Variants in OR3A2 observed in about 807,000 individuals in gnomAD.
OR3A2 encodes olfactory receptor 3A2.
For missense variants in OR3A2, 318 were observed against 392.8 expected (o/e 0.81, Z 1.61); for synonymous variants, 126 against 159.3 (o/e 0.79, Z 1.57).
chr17:3,331,973 C>T (rs1233550947), intron 3 of OR3A2, among the ~76,000 whole-genome samples: 5 of 151,796 alleles, frequency 3.3e-5, no homozygotes, highest in African/African-American at 4.8e-5. Flanking sequence ...AATACCCTGC[C>T]GTGTGAGATG....
intron 2 of OR3A2, among the ~76,000 whole-genome samples, chr17:3,353,013 C>T (rs535439899): frequency 1.3e-5 from 2 of 151,444 alleles, no homozygotes; most frequent in South Asian, 4.2e-4. Context: ...TAGGGGATTA[C>T]ATTTTTTATT....
rs1049776145 is a variant in OR3A2 at position 3,279,092 on chromosome 17, A to G, written c.-6-169T>C. ...TGCCTTTACCTTGCTCTTGGTTGACATGCCCAATGACACCACCACCTTGTC... is the reference window on the plus strand; with the variant it reads ...TGCCTTTACCTTGCTCTTGGTTGACGTGCCCAATGACACCACCACCTTGTC... On this transcript the variant is annotated intron_variant, in intron 1 of 1. The change abolishes an upstream ATG in the 5' untranslated region. Coordinates refer to ENST00000642052, the Ensembl canonical transcript of OR3A2. 1 of 1,140,036 alleles carries G rather than the reference A, an allele frequency of 8.8e-7. No homozygotes were observed. Among genetic ancestry groups the G allele is most frequent in the African/African-American group, 1.6e-5 (1 of 63,768 alleles). The allele number at this position is 1,140,036 out of a possible 1,614,324, so 70.6% of individuals were successfully genotyped here.
intron 3 of OR3A2, among the ~76,000 whole-genome samples, chr17:3,322,695 T>G (rs2049134793): frequency 6.6e-6 from 1 of 152,206 alleles, no homozygotes; most frequent in Non-Finnish European, 1.5e-5. Context: ...AGTGAGTTTC[T>G]TAATTCTGAG....
At chr17:3,300,337 T>A (rs2048952955) in intron 3 of OR3A2, among the ~76,000 whole-genome samples, 1 of 152,108 alleles carries the variant, frequency 6.6e-6, no homozygotes, top group Non-Finnish European at 1.5e-5. Context: ...GGTGGGGGGA[T>A]CACCTGAGGT....
intron 2 of OR3A2, among the ~76,000 whole-genome samples, chr17:3,337,754 T>C (rs941456211): frequency 1.3e-5 from 2 of 152,224 alleles, no homozygotes; most frequent in African/African-American, 4.8e-5. Flanking sequence ...TGTGTCTTTA[T>C]AGCAGCATGA....
intron 3 of OR3A2, among the ~76,000 whole-genome samples, chr17:3,325,832 G>A (rs2049166675): frequency 6.6e-6 from 1 of 151,988 alleles, no homozygotes; most frequent in Non-Finnish European, 1.5e-5. Flanking sequence ...AGGATGTGCA[G>A]GTTTATTACA....
At chr17:3,321,425 G>A (rs1413830202) in intron 3 of OR3A2, among the ~76,000 whole-genome samples, 1 of 152,002 alleles carries the variant, frequency 6.6e-6, no homozygotes, top group Non-Finnish European at 1.5e-5. Flanking sequence ...TGTTGAATAG[G>A]AGTGGTGAGA....
intron 1 of OR3A2, among the ~76,000 whole-genome samples, chr17:3,281,840 G>A (rs570156199): frequency 6.6e-6 from 1 of 152,086 alleles, no homozygotes; most frequent in South Asian, 2.1e-4. Context: ...AATCACCTGG[G>A]ATGCTTTAAG....
intron 2 of OR3A2, among the ~76,000 whole-genome samples, chr17:3,366,300 A>C (rs1019912003): frequency 6.6e-6 from 1 of 152,158 alleles, no homozygotes; most frequent in African/African-American, 2.4e-5. Flanking sequence ...TACCTGCCCC[A>C]TCCTAGCTAA....
intron 3 of OR3A2, among the ~76,000 whole-genome samples, chr17:3,297,187 TC>T (rs1410237873): frequency 6.6e-6 from 1 of 152,152 alleles, no homozygotes; most frequent in African/African-American, 2.4e-5. Context: ...ATAGGGTGTC[TC>T]CTAAAAATTC....
At chr17:3,359,121 T>C (rs2049488318) in intron 2 of OR3A2, among the ~76,000 whole-genome samples, 1 of 151,826 alleles carries the variant, frequency 6.6e-6, no homozygotes, top group Non-Finnish European at 1.5e-5. Context: ...TTTTTTCTAT[T>C]TGCTGGGTAG....
At chr17:3,329,257 T>C (rs1232088083) in intron 3 of OR3A2, among the ~76,000 whole-genome samples, 1 of 151,576 alleles carries the variant, frequency 6.6e-6, no homozygotes, top group African/African-American at 2.4e-5. Context: ...CCTCTTTTTC[T>C]GTTGATTGGA....
intron 2 of OR3A2, among the ~76,000 whole-genome samples, chr17:3,380,112 C>T (rs2049721007): frequency 6.6e-6 from 1 of 152,226 alleles, no homozygotes; most frequent in African/African-American, 2.4e-5. Flanking sequence ...TCTTCCTCTC[C>T]AGGGCACACC....
chr17:3,351,588 G>A (rs1161741619), intron 2 of OR3A2, among the ~76,000 whole-genome samples: 1 of 131,064 alleles, frequency 7.6e-6, no homozygotes, highest in African/African-American at 2.9e-5. Flanking sequence ...AATCAATATC[G>A]TGAAAATGGC....
At chr17:3,288,246 C>CAAAAAAAAAAAAAAAAACAAAAAAAAAAA (rs2048832038), upstream of OR3A2, among the ~76,000 whole-genome samples, 1 of 73,486 alleles carries the variant, frequency 1.4e-5, no homozygotes, top group African/African-American at 4.5e-5. Context: ...ACCAAAAGGG[C>CAAAAAAAAAAAAAAAAACAAAAAAAAAAA]AAAAAAAAAA....
In OR3A2 at chr17:3,343,004, G is replaced by A. The variant is rs182843639; in HGVS notation, c.-178-6878C>T. Among the ~76,000 whole-genome samples, 19 of 152,308 alleles carry A rather than the reference G, an allele frequency of 1.2e-4. No homozygotes were observed. The East Asian group carries it at 1.5e-3, about 12-fold the overall frequency. ...AGCCAGGCTTGCCGCCTTGCAGTTCGATCTTGGACTGCTGCGCTAGCAGTG... is the reference window on the plus strand; with the variant it reads ...AGCCAGGCTTGCCGCCTTGCAGTTCAATCTTGGACTGCTGCGCTAGCAGTG... On this transcript the variant is annotated intron_variant, in intron 2 of 4. Transcript: ENST00000573491.
chr17:3,278,805 T>C, exon 2 of OR3A2: 1 of 1,527,458 alleles, frequency 6.5e-7, no homozygotes, highest in Non-Finnish European at 8.9e-7. Flanking sequence ...TGTGACCAGA[T>C]AGGCAAAGAG....
intron 2 of OR3A2, among the ~76,000 whole-genome samples, chr17:3,342,930 C>T (rs1439200103): frequency 1.6e-4 from 24 of 152,028 alleles, no homozygotes; most frequent in South Asian, 6.2e-4. Flanking sequence ...GCTTCCTGGC[C>T]GCTGTGTTTA....
intron 2 of OR3A2, among the ~76,000 whole-genome samples, chr17:3,350,985 C>A (rs1597354097): frequency 6.6e-6 from 1 of 151,950 alleles, no homozygotes; most frequent in Non-Finnish European, 1.5e-5. Context: ...ATTCAACAAC[C>A]TTTCATGCTA....
Sources: gnomAD v4.1 joint callset for allele counts (sites outside exome capture counted in the v4.1 genomes callset) on GRCh38, gnomAD v4.1.1 for gene constraint, MANE v1.5 for transcripts, NCBI Gene and HGNC (gene_info 2026-07-23, HGNC 2026-07-21) for gene names.